ROBO2: variants seen among roughly 807,000 people sequenced by gnomAD.
ROBO2 encodes roundabout guidance receptor 2.
ROBO2 carries 53 observed loss-of-function variants against 160.8 expected under a neutral mutation model. The ratio of observed to expected loss-of-function variants is 0.33; its 90% CI spans 0.26 to 0.41. The LOEUF (loss-of-function observed/expected upper bound fraction) is 0.41, where lower values mean the gene tolerates loss of function less well. Ranked by LOEUF, ROBO2 falls within the 10% of genes least tolerant of loss-of-function variation. The pLI is 1.00. For missense variants in ROBO2, 1,577 were observed against 1,722.4 expected, an observed-to-expected ratio of 0.92 and a Z score of 1.49; for synonymous variants, 664 against 611.7, an observed-to-expected ratio of 1.09 and a Z score of -1.26.
At chr3:76,408,149 C>T (rs967845339) in intron 2 of ROBO2, among the ~76,000 whole-genome samples, 3 of 151,960 alleles carry the variant, frequency 2.0e-5, no homozygotes, top group Admixed American at 6.6e-5. Context: ...ACCATCAAAA[C>T]GCTTAGTCAA....
At position 77,499,724 on chromosome 3, in the gene ROBO2, C is replaced by G. The variant is rs139446888; in HGVS notation, c.806+6342C>G. ...AGTGCAGTGGCACGATCCCGCCTCA[C>G]TGCACCCTCCACCTCCCGGGTTCAA... On this transcript the variant is annotated intron_variant, in intron 5 of 25. Coordinates refer to ENST00000461745, the Ensembl canonical transcript of ROBO2. Among the ~76,000 whole-genome samples, 1,087 of 150,766 alleles carry G rather than the reference C, an allele frequency of 7.2e-3. 15 individuals carry two copies. The highest frequency in any genetic ancestry group is 0.023 in the African/African-American group (950 of 40,970).
intron 2 of ROBO2, among the ~76,000 whole-genome samples, chr3:76,711,729 C>A (rs1576163831): frequency 6.6e-6 from 1 of 152,138 alleles, no homozygotes; most frequent in Non-Finnish European, 1.5e-5. Flanking sequence ...ATGCACCATG[C>A]TGCTTCTCAC....
chr3:77,277,354 G>T (rs2059954449), intron 2 of ROBO2, among the ~76,000 whole-genome samples: 2 of 151,476 alleles, frequency 1.3e-5, no homozygotes, highest in Admixed American at 1.3e-4. Context: ...TTGTTCCATA[G>T]GTAAATGTGT....
chr3:76,927,874 T>C (rs927708692), intron 2 of ROBO2, among the ~76,000 whole-genome samples: 36 of 152,234 alleles, frequency 2.4e-4, no homozygotes, highest in African/African-American at 8.7e-4. Flanking sequence ...GAAGTGGTTA[T>C]GGAGGGAGAG....
intron 2 of ROBO2, among the ~76,000 whole-genome samples, chr3:75,971,524 T>C (rs2064993477): frequency 6.6e-6 from 1 of 151,536 alleles, no homozygotes; most frequent in Non-Finnish European, 1.5e-5. Flanking sequence ...AAAAATTCAA[T>C]TCATCCTACT....
intron 2 of ROBO2, among the ~76,000 whole-genome samples, chr3:76,541,465 G>T (rs1440809130): frequency 1.6e-4 from 24 of 152,160 alleles, no homozygotes; most frequent in Admixed American, 1.1e-3. Context: ...TGCTGAAGAG[G>T]TGTTTATTTC....
chr3:77,059,359 A>G (rs1298085896), intron 1 of ROBO2, among the ~76,000 whole-genome samples: 4 of 152,222 alleles, frequency 2.6e-5, no homozygotes, highest in African/African-American at 9.7e-5. Context: ...TGATAAAAGA[A>G]AAAGGTAAGT....
intron 2 of ROBO2, among the ~76,000 whole-genome samples, chr3:76,919,400 T>G (rs909802378): frequency 5.6e-4 from 86 of 152,312 alleles, no homozygotes; most frequent in African/African-American, 2.0e-3. Context: ...TTAGCACATA[T>G]AGAGCTGAAC....
chr3:76,196,974 TAC>T (rs773577279), intron 2 of ROBO2, among the ~76,000 whole-genome samples: 9 of 152,236 alleles, frequency 5.9e-5, no homozygotes, highest in Non-Finnish European at 1.3e-4. Flanking sequence ...GTTTAATGAT[TAC>T]ATACTTTACA....
chr3:76,671,449 T>C (rs2092260379), intron 2 of ROBO2, among the ~76,000 whole-genome samples: 1 of 152,160 alleles, frequency 6.6e-6, no homozygotes, highest in South Asian at 2.1e-4. Context: ...CTTGAGTGCG[T>C]TTTAACATTT....
chr3:76,817,070 G>A (rs1046409668), intron 2 of ROBO2, among the ~76,000 whole-genome samples: 2 of 151,998 alleles, frequency 1.3e-5, no homozygotes, highest in African/African-American at 2.4e-5. Context: ...GGAGAGTGTG[G>A]GGGGCATTGG....
chr3:77,221,764 C>A (rs1425165906), intron 2 of ROBO2, among the ~76,000 whole-genome samples: 1 of 151,550 alleles, frequency 6.6e-6, no homozygotes, highest in Non-Finnish European at 1.5e-5. Flanking sequence ...TGAAGATACA[C>A]AATAGTTGTC....
In ROBO2 at chr3:76,999,313, C is replaced by T. The variant is rs576689736; in HGVS notation, c.110-98701C>T. 2.6e-4 allele frequency among the ~76,000 whole-genome samples: 40 copies of T among 152,058 alleles called. 1 individual carries two copies. In the South Asian group the frequency reaches 8.3e-3, roughly 32 times the overall value. ...ATCTGACCATAAGTAAGAGAGGGCA[C>T]TCAAGGTTATTACGAAATAAAAGCG... is the stretch of plus-strand genomic sequence containing the variant. On this transcript the variant is annotated intron_variant, in intron 2 of 26. Coordinates refer to the ROBO2 transcript ENST00000487694.
At chr3:77,499,939 G>C (rs1008677265) in intron 5 of ROBO2, among the ~76,000 whole-genome samples, 1 of 152,218 alleles carries the variant, frequency 6.6e-6, no homozygotes, top group East Asian at 1.9e-4. Context: ...GAGCCACCGT[G>C]TCTGGCCTGC....
chr3:77,462,402 T>C (rs1031597562), intron 2 of ROBO2, among the ~76,000 whole-genome samples: 1 of 152,206 alleles, frequency 6.6e-6, no homozygotes, highest in African/African-American at 2.4e-5. Context: ...AAAAAACTCA[T>C]TAGTTGAATT....
Position 77,394,859 on chromosome 3 carries a change from A to C in ROBO2, c.389-82555A>C, listed in dbSNP as rs563004944. 6.3e-4 allele frequency among the ~76,000 whole-genome samples: 96 copies of C among 152,272 alleles called. 2 individuals carry two copies. In the South Asian group the frequency reaches 0.016, roughly 25 times the overall value. On this transcript the variant is annotated intron_variant, in intron 2 of 25. Transcript: ENST00000461745. Reference sequence around the variant, plus strand: ...ATACTGTTGGTATCAAGATATCGACAAGCTTCTAACCGTACTACATTATTT... The same window carrying C: ...ATACTGTTGGTATCAAGATATCGACCAGCTTCTAACCGTACTACATTATTT...
At position 76,804,721 on chromosome 3, in the gene ROBO2, A is replaced by G. The variant is rs2064534345; in HGVS notation, c.110-293293A>G. On this transcript the variant is annotated intron_variant, in intron 2 of 26. Coordinates refer to the ROBO2 transcript ENST00000487694. ...AGTATAATAATAGTGCCAACCTCCT[A>G]TGACTGTTCTGACAAATAAATAATA... Among the ~76,000 whole-genome samples the G allele has an allele frequency of 2.0e-5, 3 of 152,272 alleles. No individual in the cohort carries two copies. The Middle Eastern group carries it at 0.01, about 518-fold the overall frequency.
In ROBO2 at chr3:77,380,280, T is replaced by C. The variant is rs1581496384; in HGVS notation, c.389-97134T>C. On this transcript the variant is annotated intron_variant, in intron 2 of 25. Coordinates refer to ENST00000461745, the Ensembl canonical transcript of ROBO2. ...TTGGAAGATGAAACACACTAGCATG[T>C]CTCATCTGTTCCTTCTTGATGATCT... is the stretch of plus-strand genomic sequence containing the variant. 7.9e-5 allele frequency among the ~76,000 whole-genome samples: 12 copies of C among 152,336 alleles called. 2 individuals carry two copies. The South Asian group carries it at 2.5e-3, about 32-fold the overall frequency.
chr3:76,089,509 C>T (rs932699537), intron 2 of ROBO2, among the ~76,000 whole-genome samples: 17 of 152,132 alleles, frequency 1.1e-4, no homozygotes, highest in African/African-American at 2.6e-4. Context: ...TATCTAGGCA[C>T]GCAAGTCTGG....
Sources: allele counts gnomAD v4.1 joint callset (sites outside exome capture counted in the v4.1 genomes callset), GRCh38; gene constraint gnomAD v4.1.1; transcripts MANE v1.5; gene names NCBI Gene and HGNC (gene_info 2026-07-23, HGNC 2026-07-21).